The following SRP19 variants were observed in gnomAD, a reference collection of about 807,000 sequenced individuals.
SRP19 encodes signal recognition particle 19.
Under a neutral mutation model 22.4 loss-of-function variants are expected in SRP19, and 11 were observed. The observed-to-expected ratio is 0.49, with a 90% confidence interval of 0.31 to 0.81. The LOEUF (loss-of-function observed/expected upper bound fraction) is 0.81. Ranked by LOEUF, SRP19 falls within the 40% of genes least tolerant of loss-of-function variation. The pLI is 0.05. For synonymous variants in SRP19, 61 were observed against 57.6 expected (o/e 1.06, Z -0.27); for missense variants, 168 against 175.9 (o/e 0.96, Z 0.25).
chr5:112,864,813 G>A, intron 4 of SRP19, 81 bp downstream of exon 4: 1 of 1,071,946 alleles, frequency 9.3e-7, no homozygotes, highest in Non-Finnish European at 1.4e-6. Flanking sequence ...AAACTGAAAG[G>A]TAAAAGTCAG....
intron 4 of SRP19, among the ~76,000 whole-genome samples, chr5:112,881,408 T>C (rs1768071189): frequency 6.6e-6 from 1 of 152,068 alleles, no homozygotes; most frequent in Admixed American, 6.6e-5. Flanking sequence ...CAAAAACCTT[T>C]CTCCAATTTC....
intron 4 of SRP19, among the ~76,000 whole-genome samples, chr5:112,887,392 TA>T (rs1164912994): frequency 6.6e-6 from 1 of 152,188 alleles, no homozygotes; most frequent in Non-Finnish European, 1.5e-5. Flanking sequence ...AAGCTGAGAC[TA>T]AAAAACAAAA....
intron 4 of SRP19, among the ~76,000 whole-genome samples, chr5:112,884,798 C>T (rs1378564297): frequency 2.7e-5 from 4 of 150,598 alleles, no homozygotes; most frequent in Non-Finnish European, 5.9e-5. Flanking sequence ...CATCTTTCTA[C>T]TTGCTTTATT....
intron 4 of SRP19, among the ~76,000 whole-genome samples, chr5:112,879,764 CCA>C (rs1768013929): frequency 6.6e-6 from 1 of 152,048 alleles, no homozygotes; most frequent in Admixed American, 6.5e-5. Flanking sequence ...ACGTAAGCCA[CCA>C]TGCCCGGCCT....
exon 5 of SRP19, chr5:112,892,617 A>G (rs1768514483): frequency 1.9e-6 from 3 of 1,614,162 alleles, no homozygotes; most frequent in Admixed American, 1.7e-5. Context: ...AACAATGTCC[A>G]AGAGGAAAAC....
chr5:112,892,445 C>A, exon 5 of SRP19: 2 of 1,614,118 alleles, frequency 1.2e-6, no homozygotes, highest in South Asian at 2.2e-5. Context: ...AATTTGGAAC[C>A]TCACCTGAGG....
At chr5:112,874,772 G>T (rs373093242), downstream of SRP19, among the ~76,000 whole-genome samples, 430 of 118,512 alleles carry the variant, frequency 3.6e-3, no homozygotes, top group Non-Finnish European at 5.3e-3. Flanking sequence ...TCTGATGTGC[G>T]CCAATTTTTT....
intron 4 of SRP19, 32 bp downstream of exon 4, chr5:112,864,764 A>G (rs1300814702): frequency 6.5e-7 from 1 of 1,528,118 alleles, no homozygotes. Flanking sequence ...AGTGGGGCTC[A>G]GGGATAGGTT....
chr5:112,864,959 G>T (rs1171226918), intron 4 of SRP19: 3 of 362,500 alleles, frequency 8.3e-6, no homozygotes, highest in African/African-American at 4.2e-5. Flanking sequence ...AAAAATTGTT[G>T]TGTGAACATT....
At chr5:112,864,855 G>A (rs958733141) in intron 4 of SRP19, 123 bp downstream of exon 4, 4 of 671,940 alleles carry the variant, frequency 6.0e-6, no homozygotes, top group Non-Finnish European at 1.0e-5. Flanking sequence ...TTTAAAGACA[G>A]GACTACTGCT....
exon 5 of SRP19, chr5:112,892,604 T>A (rs1388924689): frequency 1.2e-6 from 2 of 1,614,116 alleles, no homozygotes; most frequent in Non-Finnish European, 1.7e-6. Flanking sequence ...TTATTTGAAA[T>A]ACAACAATGT....
chr5:112,870,947 G>T (rs546408668), downstream of SRP19, among the ~76,000 whole-genome samples: 16 of 152,248 alleles, frequency 1.1e-4, no homozygotes, highest in South Asian at 3.3e-3. Flanking sequence ...CTGCCGCCTG[G>T]TTTCAAGTGA....
intron 4 of SRP19, among the ~76,000 whole-genome samples, chr5:112,865,792 C>A (rs139242287): frequency 1.3e-5 from 2 of 152,186 alleles, no homozygotes; most frequent in African/African-American, 4.8e-5. Flanking sequence ...TGGGGTTTCG[C>A]CATGTTGGCC....
downstream of SRP19, chr5:112,897,789 T>A (rs1561653994): frequency 6.6e-6 from 1 of 152,132 alleles, no homozygotes; most frequent in Non-Finnish European, 1.5e-5. Context: ...CTGGGAGCAG[T>A]GGCTCACACC....
exon 5 of SRP19, chr5:112,892,064 A>G (rs1375523624): frequency 8.9e-6 from 14 of 1,570,490 alleles, no homozygotes; most frequent in Non-Finnish European, 1.2e-5. Context: ...GAAGCTGTGC[A>G]GAAGATGCTG....
intron 4 of SRP19, among the ~76,000 whole-genome samples, chr5:112,881,467 A>G (rs1213197000): frequency 6.6e-6 from 1 of 152,194 alleles, no homozygotes; most frequent in Non-Finnish European, 1.5e-5. Flanking sequence ...GGCAAAATCT[A>G]TATCCTCATC....
At chr5:112,861,525 C>T (rs1374040257) in intron 1 of SRP19, 108 bp downstream of exon 1, 2 of 1,222,292 alleles carry the variant, frequency 1.6e-6, no homozygotes, top group Non-Finnish European at 2.3e-6. Context: ...CCTAGCTGAT[C>T]CAACTCGCTC....
At position 112,861,393 on chromosome 5, in the gene SRP19, C is replaced by T. The variant is rs765099628; in HGVS notation, c.17C>T (p.Ala6Val). 13 of 1,614,166 alleles carry T rather than the reference C, an allele frequency of 8.1e-6. No homozygotes were observed. Among genetic ancestry groups the T allele is most frequent in the Non-Finnish European group, 9.3e-6 (11 of 1,180,038 alleles). The change falls in exon 1 of 5, where the codon GCG (alanine) becomes GTG (valine). Residue 6 changes from alanine (A) to valine (V), a missense_variant. Ala to Val is a moderately conservative substitution (Grantham distance 64). Transcript: ENST00000505459. Reference protein sequence around the residue: MACAAARSPADQDRFI... With the variant: MACAAVRSPADQDRFI... ...CTTGTGAAGATGGCTTGCGCTGCCG[C>T]GCGGTCCCCGGCCGACCAGGACAGG...
chr5:112,885,250 A>C, intron 4 of SRP19: 2 of 168,588 alleles, frequency 1.2e-5, no homozygotes, highest in South Asian at 2.4e-4. Flanking sequence ...AGGAGGAAAA[A>C]CAGGATTAGC....
Sources: gnomAD v4.1 joint callset for allele counts (sites outside exome capture counted in the v4.1 genomes callset) on GRCh38, gnomAD v4.1.1 for gene constraint, MANE v1.5 for transcripts, NCBI Gene and HGNC (gene_info 2026-07-23, HGNC 2026-07-21) for gene names.